TACC2: variants seen among roughly 807,000 people sequenced by gnomAD.
TACC2 encodes transforming acidic coiled-coil containing protein 2.
In TACC2, 137 loss-of-function variants were observed where a neutral mutation model predicts 227.3. The ratio of observed to expected loss-of-function variants is 0.60; its 90% CI spans 0.52 to 0.69. The LOEUF is 0.69. Ranked by LOEUF, TACC2 falls within the 30% of genes least tolerant of loss-of-function variation. The pLI is 0.00. For missense variants in TACC2, 3,470 were observed against 3,694.4 expected (o/e 0.94, Z 1.57); for synonymous variants, 1,523 against 1,487.5 (o/e 1.02, Z -0.55).
At chr10:122,020,732 G>C (rs1957228906) in intron 1 of TACC2, among the ~76,000 whole-genome samples, 1 of 152,052 alleles carries the variant, frequency 6.6e-6, no homozygotes, top group South Asian at 2.1e-4. Flanking sequence ...TCCCCCACTG[G>C]GTTAGACTGG....
rs1295468924 is a variant in TACC2 at position 122,205,861 on chromosome 10, A to T, written c.5972-4536A>T. 6.6e-6 allele frequency among the ~76,000 whole-genome samples: 1 copy of T among 152,280 alleles called. No individual in the cohort carries two copies. Among genetic ancestry groups the T allele is most frequent in the Non-Finnish European group, 1.5e-5 (1 of 68,046 alleles). On this transcript the variant is annotated intron_variant, in intron 8 of 22. Coordinates refer to ENST00000369005, the MANE Select transcript of TACC2 (RefSeq NM_206862.4). The surrounding 1 kb of genome is among the most constrained non-coding windows in gnomAD (Gnocchi z 4.5). ...GCAAACTGCCACAGAAAGACCAAGT[A>T]CTGCTTTGTATCTCGTTAGCCTACT...
At chr10:122,129,057 T>TC (rs756746999) in intron 5 of TACC2, among the ~76,000 whole-genome samples, 1 of 124,548 alleles carries the variant, frequency 8.0e-6, no homozygotes, top group South Asian at 2.6e-4. Flanking sequence ...TCTATCTTAT[T>TC]TTAATTATTA....
intron 3 of TACC2, among the ~76,000 whole-genome samples, chr10:122,074,840 A>G (rs2078586993): frequency 6.6e-6 from 1 of 152,166 alleles, no homozygotes; most frequent in Non-Finnish European, 1.5e-5. Flanking sequence ...TTCTGATTTC[A>G]TGTCAGGTAG....
intron 22 of TACC2, 105 bp from the exon 23 acceptor site, chr10:122,253,886 G>A (rs994576090): frequency 1.2e-5 from 10 of 867,772 alleles, no homozygotes; most frequent in African/African-American, 1.7e-5. Context: ...GCTTTAGTGG[G>A]GACCAAGGGG....
chr10:122,167,978 C>T (rs528372438), intron 7 of TACC2, among the ~76,000 whole-genome samples: 2 of 152,050 alleles, frequency 1.3e-5, no homozygotes, highest in Non-Finnish European at 2.9e-5. Flanking sequence ...CCTCCACCTT[C>T]CGGACTCAAG....
chr10:122,091,796 C>T (rs562947148), intron 5 of TACC2, among the ~76,000 whole-genome samples: 7 of 152,278 alleles, frequency 4.6e-5, no homozygotes, highest in African/African-American at 1.4e-4. Flanking sequence ...AAATCAGCAG[C>T]GGTCTTGGGG....
intron 16 of TACC2, among the ~76,000 whole-genome samples, chr10:122,232,957 T>C (rs997433482): frequency 3.9e-5 from 6 of 152,184 alleles, no homozygotes; most frequent in Admixed American, 1.3e-4. Flanking sequence ...ATGAAAAATA[T>C]CATATTGCAT....
chr10:122,065,684 C>G (rs995170878), intron 3 of TACC2, among the ~76,000 whole-genome samples: 2 of 152,042 alleles, frequency 1.3e-5, no homozygotes, highest in Non-Finnish European at 2.9e-5. Context: ...TCCACTTGTT[C>G]AATTATTGAG....
intron 8 of TACC2, among the ~76,000 whole-genome samples, chr10:122,196,260 T>A (rs1243229163): frequency 6.6e-6 from 1 of 152,170 alleles, no homozygotes; most frequent in Non-Finnish European, 1.5e-5. Context: ...AGCCCGTTGT[T>A]TTGGAAAGGA....
intron 5 of TACC2, among the ~76,000 whole-genome samples, chr10:122,093,223 G>A (rs1399918849): frequency 6.6e-6 from 1 of 152,074 alleles, no homozygotes; most frequent in Non-Finnish European, 1.5e-5. Context: ...GAATGGGGAA[G>A]GGCAATTGGA....
At chr10:122,022,837 A>G (rs1158332458) in intron 2 of TACC2, 1 of 152,238 alleles carries the variant, frequency 6.6e-6, no homozygotes. Flanking sequence ...ATAGGCTGAG[A>G]TATTACAACA....
intron 7 of TACC2, among the ~76,000 whole-genome samples, chr10:122,154,091 T>C (rs1383566668): frequency 6.6e-6 from 1 of 152,228 alleles, no homozygotes; most frequent in Non-Finnish European, 1.5e-5. Context: ...TTGAGTTGCC[T>C]TCAGCCCTGG....
intron 7 of TACC2, among the ~76,000 whole-genome samples, chr10:122,179,289 T>C (rs910557781): frequency 6.6e-6 from 1 of 152,238 alleles, no homozygotes; most frequent in Admixed American, 6.5e-5. Context: ...GTAATTGAAA[T>C]CTGAGATTAC....
chr10:122,049,596 C>T (rs564535652), intron 2 of TACC2, among the ~76,000 whole-genome samples: 4 of 152,192 alleles, frequency 2.6e-5, no homozygotes, highest in African/African-American at 9.6e-5. Context: ...GGTGGGGGCA[C>T]AGGGTCGCCG....
chr10:122,137,974 C>T (rs2089976196), intron 6 of TACC2, among the ~76,000 whole-genome samples: 2 of 152,218 alleles, frequency 1.3e-5, no homozygotes, highest in Admixed American at 1.3e-4. Context: ...GTGTCATAGC[C>T]TCACCAGCGA....
intron 8 of TACC2, among the ~76,000 whole-genome samples, chr10:122,197,402 C>A (rs532877870): frequency 6.6e-6 from 1 of 152,378 alleles, no homozygotes; most frequent in Admixed American, 6.5e-5. Context: ...GACATCCTGC[C>A]AGCTCTGGGA....
At chr10:122,104,811 C>T (rs981768482) in intron 5 of TACC2, among the ~76,000 whole-genome samples, 4 of 152,218 alleles carry the variant, frequency 2.6e-5, no homozygotes, top group Non-Finnish European at 5.9e-5. Context: ...GTAACACTGA[C>T]TTATCCTCTA....
At chr10:122,057,713 G>A (rs1302579900) in intron 3 of TACC2, among the ~76,000 whole-genome samples, 2 of 152,064 alleles carry the variant, frequency 1.3e-5, no homozygotes, top group Non-Finnish European at 2.9e-5. Flanking sequence ...CCAGCTACTT[G>A]GGAGGCTGAG....
chr10:122,222,854 A>G (rs1157756585), intron 11 of TACC2, among the ~76,000 whole-genome samples: 2 of 152,192 alleles, frequency 1.3e-5, no homozygotes, highest in Non-Finnish European at 2.9e-5. Flanking sequence ...AGGGCATGTA[A>G]TGCCTTGGAA....
Sources: gnomAD v4.1 joint callset for allele counts (sites outside exome capture counted in the v4.1 genomes callset) on GRCh38, gnomAD v4.1.1 for gene constraint, Gnocchi (gnomAD v3.1) non-coding constraint, MANE v1.5 for transcripts, NCBI Gene and HGNC (gene_info 2026-07-23, HGNC 2026-07-21) for gene names.